The following SIRT5 variants were observed in gnomAD, a reference collection of about 807,000 sequenced individuals.
SIRT5 encodes the protein NAD-dependent protein deacylase sirtuin-5, mitochondrial.
A neutral mutation model predicts 40.0 loss-of-function variants in SIRT5; 26 were observed. The observed-to-expected ratio is 0.65, with a 90% CI of 0.48 to 0.90. The LOEUF (loss-of-function observed/expected upper bound fraction) is 0.90, where lower values mean the gene tolerates loss of function less well. SIRT5 is among the 40% of genes least tolerant of loss of function. The pLI, the probability that SIRT5 is intolerant of heterozygous loss-of-function variation, is 0.00. For missense variants in SIRT5, 401 were observed against 402.4 expected (o/e 1.00, Z 0.03); for synonymous variants, 146 against 149.1 (o/e 0.98, Z 0.15).
chr6:13,576,000 G>A (rs1429408229), intron 1 of SIRT5, among the ~76,000 whole-genome samples: 3 of 152,210 alleles, frequency 2.0e-5, no homozygotes, highest in Admixed American at 6.5e-5. Flanking sequence ...TCTGTTTTAA[G>A]ACTGTATAGT....
At chr6:13,604,384 A>G (rs979154609) in intron 9 of SIRT5, 15 of 831,852 alleles carry the variant, frequency 1.8e-5, no homozygotes, top group Non-Finnish European at 2.2e-5. Context: ...AAAGACCATC[A>G]GAAAACTCGA....
intron 4 of SIRT5, among the ~76,000 whole-genome samples, chr6:13,591,009 G>A (rs2127654935): frequency 6.6e-6 from 1 of 151,928 alleles, no homozygotes; most frequent in East Asian, 1.9e-4. Context: ...GGATGTAGAT[G>A]TGTGTAGTTG....
chr6:13,605,489 ATAT>A (rs1762988967), intron 9 of SIRT5: 29 of 985,302 alleles, frequency 2.9e-5, no homozygotes, highest in Admixed American at 6.1e-5. Context: ...AATGCTGCCT[ATAT>A]TTTAATAAGG....
chr6:13,582,611 CAAA>C (rs756756300), intron 2 of SIRT5, among the ~76,000 whole-genome samples: 13 of 122,048 alleles, frequency 1.1e-4, no homozygotes, highest in Admixed American at 2.5e-4. Flanking sequence ...TGCCTCCCAC[CAAA>C]AAAAAAAAAA....
At chr6:13,595,193 AGCTAGGG>A in intron 5 of SIRT5, among the ~76,000 whole-genome samples, 1 of 152,318 alleles carries the variant, frequency 6.6e-6, no homozygotes, top group Middle Eastern at 3.4e-3. Context: ...TGAAAGCTAA[AGCTAGGG>A]TAGGCCCATT....
chr6:13,584,776 T>G (rs1395198873), intron 3 of SIRT5, among the ~76,000 whole-genome samples: 4 of 152,016 alleles, frequency 2.6e-5, no homozygotes, highest in Admixed American at 2.6e-4. Flanking sequence ...TACACATGTT[T>G]TGTACTATAA....
intron 9 of SIRT5, among the ~76,000 whole-genome samples, chr6:13,602,396 A>T (rs1287283649): frequency 6.6e-6 from 1 of 152,136 alleles, no homozygotes; most frequent in Non-Finnish European, 1.5e-5. Context: ...GCTACTTGGG[A>T]GGCTGAGGCA....
chr6:13,605,016 G>C, intron 9 of SIRT5: 1 of 987,566 alleles, frequency 1.0e-6, no homozygotes, highest in Middle Eastern at 5.2e-4. Flanking sequence ...ACATTTAGAA[G>C]AGATGCTGGT....
intron 9 of SIRT5, chr6:13,605,045 C>T: frequency 3.0e-6 from 3 of 986,456 alleles, no homozygotes; most frequent in Non-Finnish European, 3.6e-6. Flanking sequence ...TCTCATCCTA[C>T]TCAATTTTTC....
chr6:13,606,606 T>C (rs1307424347), intron 9 of SIRT5, among the ~76,000 whole-genome samples: 2 of 152,142 alleles, frequency 1.3e-5, no homozygotes, highest in African/African-American at 4.8e-5. Context: ...ACAAGACTAA[T>C]AGAAAAGGAC....
At chr6:13,576,132 C>T (rs1398647639) in intron 1 of SIRT5, among the ~76,000 whole-genome samples, 3 of 152,198 alleles carry the variant, frequency 2.0e-5, no homozygotes, top group Non-Finnish European at 4.4e-5. Flanking sequence ...GCAGCTATCT[C>T]TTCAACATAC....
chr6:13,580,921 A>T (rs1759265642), intron 2 of SIRT5, among the ~76,000 whole-genome samples: 1 of 152,190 alleles, frequency 6.6e-6, no homozygotes, highest in Admixed American at 6.5e-5. Flanking sequence ...TCAGCCTCCC[A>T]AAGTCCTGGG....
intron 5 of SIRT5, among the ~76,000 whole-genome samples, chr6:13,593,147 A>G (rs1761151011): frequency 6.6e-6 from 1 of 152,120 alleles, no homozygotes; most frequent in African/African-American, 2.4e-5. Flanking sequence ...CTTGGCCTCA[A>G]GCAGTCCTCC....
At chr6:13,610,733 TG>T (rs1261444394) in intron 9 of SIRT5, among the ~76,000 whole-genome samples, 4 of 152,200 alleles carry the variant, frequency 2.6e-5, no homozygotes, top group African/African-American at 9.7e-5. Context: ...TGGAACTTTC[TG>T]GAAGTCAGTG....
At chr6:13,595,239 C>T (rs909992898) in intron 5 of SIRT5, among the ~76,000 whole-genome samples, 1 of 152,138 alleles carries the variant, frequency 6.6e-6, no homozygotes, top group African/African-American at 2.4e-5. Context: ...CTCAGTGTGG[C>T]GGTGCACACC....
intron 1 of SIRT5, among the ~76,000 whole-genome samples, chr6:13,578,720 TA>T (rs1317614864): frequency 1.3e-5 from 2 of 151,932 alleles, no homozygotes; most frequent in African/African-American, 4.8e-5. Context: ...GAGTTTTCTG[TA>T]AATTTTTTTC....
At chr6:13,580,945 G>T (rs988835655) in intron 2 of SIRT5, among the ~76,000 whole-genome samples, 3 of 152,200 alleles carry the variant, frequency 2.0e-5, no homozygotes, top group Non-Finnish European at 2.9e-5. Flanking sequence ...ACAGGTGTGT[G>T]CCACCATGGC....
chr6:13,588,404 A>T lies in SIRT5; in HGVS notation c.189A>T (p.Ala63=). Residue 63 remains alanine, a synonymous_variant, in exon 4 of 10, where the codon GCA becomes GCT. Coordinates refer to ENST00000606117, the MANE Select transcript of SIRT5 (RefSeq NM_012241.5). ...TCATCTCAGGAGCTGGTGTTAGTGC[A>T]GAAAGTGGTGTTCCGACCTTCAGAG... ...IVIISGAGVS[A]ESGVPTFRGA... 6.2e-7 allele frequency: 1 copy of T among 1,614,266 alleles called. No individual in the cohort carries two copies. The highest frequency in any genetic ancestry group is 8.5e-7 in the Non-Finnish European group (1 of 1,180,052).
At chr6:13,598,722 G>A (rs1172539015) in intron 7 of SIRT5, among the ~76,000 whole-genome samples, 1 of 151,712 alleles carries the variant, frequency 6.6e-6, no homozygotes, top group Admixed American at 6.6e-5. Context: ...CCAGCTGCTC[G>A]GGAGGCTGAG....
Sources: gnomAD v4.1 joint callset for allele counts (sites outside exome capture counted in the v4.1 genomes callset) on GRCh38, gnomAD v4.1.1 for gene constraint, MANE v1.5 for transcripts, NCBI Gene and HGNC (gene_info 2026-07-23, HGNC 2026-07-21) for gene names.